The following ATP13A5 variants were observed in gnomAD, a reference collection of about 807,000 sequenced individuals.
ATP13A5 encodes the protein ATPase 13A5, also known as probable cation-transporting ATPase 13A5.
In ATP13A5, 149 loss-of-function variants were observed where a neutral mutation model predicts 150.2. The ratio of observed to expected loss-of-function variants is 0.99; its 90% CI spans 0.87 to 1.14. The LOEUF (loss-of-function observed/expected upper bound fraction) is 1.14, where lower values mean the gene tolerates loss of function less well. Among genes scored for constraint, ATP13A5 ranks in the 50% most tolerant of loss-of-function variants. The pLI, the probability that ATP13A5 is intolerant of heterozygous loss-of-function variation, is 0.00. For synonymous variants in ATP13A5, 497 were observed against 522.2 expected, an observed-to-expected ratio of 0.95 and a Z score of 0.66; for missense variants, 1,383 against 1,449.3, an observed-to-expected ratio of 0.95 and a Z score of 0.74.
At chr3:193,307,035 T>G in intron 22 of ATP13A5, 1 of 870,854 alleles carries the variant, frequency 1.1e-6, no homozygotes. Flanking sequence ...ACAGGAAAGA[T>G]TTAAAGCAGA....
intron 7 of ATP13A5, among the ~76,000 whole-genome samples, chr3:193,348,674 C>G (rs1299027869): frequency 6.6e-6 from 1 of 152,180 alleles, no homozygotes; most frequent in Non-Finnish European, 1.5e-5. Flanking sequence ...TACTCTCTTA[C>G]AATTTTCCAA....
intron 5 of ATP13A5, among the ~76,000 whole-genome samples, chr3:193,356,382 T>G (rs1343072628): frequency 6.6e-6 from 1 of 152,152 alleles, no homozygotes; most frequent in Non-Finnish European, 1.5e-5. Flanking sequence ...ATGAACGAAT[T>G]GATGGCTGAA....
intron 14 of ATP13A5, chr3:193,323,704 T>C (rs1266308061): frequency 6.6e-6 from 1 of 152,216 alleles, no homozygotes; most frequent in South Asian, 2.1e-4. Flanking sequence ...ATGTCAAATG[T>C]TTTTCCACAG....
intron 1 of ATP13A5, among the ~76,000 whole-genome samples, chr3:193,377,404 C>G (rs1713681244): frequency 6.6e-6 from 1 of 152,078 alleles, no homozygotes; most frequent in Admixed American, 6.5e-5. Flanking sequence ...GAAATTTTTA[C>G]CTAAGCTATC....
intron 26 of ATP13A5, 82 bp downstream of exon 26, chr3:193,289,803 A>C: frequency 2.2e-6 from 3 of 1,355,090 alleles, no homozygotes; most frequent in Non-Finnish European, 3.0e-6. Flanking sequence ...GTTTTAGGAT[A>C]TATGTTCAAG....
At chr3:193,359,081 G>A in intron 5 of ATP13A5, among the ~76,000 whole-genome samples, 1 of 151,340 alleles carries the variant, frequency 6.6e-6, no homozygotes, top group Admixed American at 6.6e-5. Flanking sequence ...TTAAAGAAAG[G>A]ATATATATAT....
rs1196859609 is a variant in ATP13A5 at position 193,287,321 on chromosome 3, T to C, written c.3024-2205A>G. Among the ~76,000 whole-genome samples the C allele has an allele frequency of 2.6e-5, 4 of 152,186 alleles. No homozygotes were observed. The East Asian group carries it at 7.7e-4, about 29-fold the overall frequency. On this transcript the variant is annotated intron_variant, in intron 26 of 29. Coordinates refer to ENST00000342358, the MANE Select transcript of ATP13A5 (RefSeq NM_198505.4). ...TCTTCTATTGGAAGAAGATGTCTTC[T>C]AGGACTTTAATAACTAGAGATAAGT... is the stretch of plus-strand genomic sequence containing the variant.
rs747228114 is a variant in ATP13A5, at chr3:193,324,854, A to C, written c.1674+10T>G. On this transcript the variant is annotated intron_variant, in intron 14 of 29. Coordinates refer to ENST00000342358, the MANE Select transcript of ATP13A5 (RefSeq NM_198505.4). Reference sequence around the variant, plus strand: ...CAGATTCTCATCTTTCCATTAAACTATCACCTTACCCAGGCAGTGCCCTCA... The same window carrying C: ...CAGATTCTCATCTTTCCATTAAACTCTCACCTTACCCAGGCAGTGCCCTCA... 3 of 1,610,782 alleles carry C rather than the reference A, an allele frequency of 1.9e-6. No individual in the cohort carries two copies. In the Admixed American group the frequency reaches 5.1e-5, roughly 27 times the overall value.
intron 26 of ATP13A5, among the ~76,000 whole-genome samples, chr3:193,286,572 C>A (rs1451943629): frequency 6.6e-6 from 1 of 152,030 alleles, no homozygotes; most frequent in Non-Finnish European, 1.5e-5. Flanking sequence ...TTTGAGATGC[C>A]ACGAACTGTG....
intron 14 of ATP13A5, 59 bp from the exon 15 acceptor site, chr3:193,322,633 A>C: frequency 8.2e-7 from 1 of 1,212,612 alleles, no homozygotes; most frequent in Non-Finnish European, 1.2e-6. Context: ...AGAAAGAAAT[A>C]TCTCTTATTT....
At chr3:193,315,704 G>A (rs1719023580) in intron 17 of ATP13A5, among the ~76,000 whole-genome samples, 1 of 152,038 alleles carries the variant, frequency 6.6e-6, no homozygotes, top group South Asian at 2.1e-4. Context: ...TAAATTTGGG[G>A]GCCAAGAACT....
Position 193,351,102 on chromosome 3 carries a change from TA to T in ATP13A5, c.705del (p.Ile236SerfsTer5). ...TCATACACACTTAAGACAATGGAGA[TA>T]ACAGTCAAAATGATGATGGCCACAG... ...EYSVAIIILTVISIVLSVYDL... is the reference protein window; with the variant it reads ...EYSVAIIILTXISIVLSVYDL... On this transcript the variant is annotated frameshift_variant, in exon 7 of 30. Transcript: ENST00000342358. LOFTEE classifies it high-confidence loss of function. 2 of 1,613,680 alleles carry T rather than the reference TA, an allele frequency of 1.2e-6. No homozygotes were observed. Among genetic ancestry groups the T allele is most frequent in the Non-Finnish European group, 1.7e-6 (2 of 1,179,718 alleles).
chr3:193,320,807 C>A (rs6444702), intron 16 of ATP13A5, among the ~76,000 whole-genome samples: 119,019 of 152,120 alleles, frequency 0.78, 46,747 homozygotes, highest in East Asian at 0.93. Context: ...CATTCTTATA[C>A]ATCTGGCTGC....
intron 23 of ATP13A5, 43 bp from the exon 24 acceptor site, chr3:193,301,350 A>T (rs1427448781): frequency 2.7e-6 from 4 of 1,462,450 alleles, no homozygotes; most frequent in Non-Finnish European, 3.8e-6. Context: ...TATGTATGAT[A>T]AATGTCTCCC....
intron 25 of ATP13A5, among the ~76,000 whole-genome samples, chr3:193,298,215 A>C (rs937179868): frequency 1.4e-4 from 22 of 152,128 alleles, no homozygotes; most frequent in African/African-American, 5.3e-4. Flanking sequence ...ATTCACAAAT[A>C]AATCATGCAA....
intron 5 of ATP13A5, among the ~76,000 whole-genome samples, chr3:193,354,670 AC>A (rs1712707764): frequency 1.3e-5 from 2 of 151,996 alleles, no homozygotes; most frequent in African/African-American, 4.8e-5. Flanking sequence ...AACTGAATGA[AC>A]GAGCAAATGA....
chr3:193,352,777 GAAT>G (rs1712615167), intron 6 of ATP13A5, among the ~76,000 whole-genome samples: 1 of 152,062 alleles, frequency 6.6e-6, no homozygotes, highest in Admixed American at 6.6e-5. Flanking sequence ...TTCAGACACA[GAAT>G]AATGGTAAAT....
chr3:193,371,758 C>T (rs1019165521), intron 1 of ATP13A5, among the ~76,000 whole-genome samples: 1 of 152,196 alleles, frequency 6.6e-6, no homozygotes, highest in Non-Finnish European at 1.5e-5. Flanking sequence ...TCTCTGACTT[C>T]AGGAAAGGCC....
At chr3:193,333,557 T>C (rs1275942713) in intron 11 of ATP13A5, among the ~76,000 whole-genome samples, 193 bp downstream of exon 11, 1 of 152,210 alleles carries the variant, frequency 6.6e-6, no homozygotes, top group East Asian at 1.9e-4. Flanking sequence ...ACTGATTGCA[T>C]AGTGTTTTAG....
Sources: allele counts gnomAD v4.1 joint callset (sites outside exome capture counted in the v4.1 genomes callset), GRCh38; gene constraint gnomAD v4.1.1; transcripts MANE v1.5; gene names NCBI Gene and HGNC (gene_info 2026-07-23, HGNC 2026-07-21).